The following CDH8 variants were observed in gnomAD, a reference collection of about 807,000 sequenced individuals.
CDH8 encodes cadherin-8.
In CDH8, 17 loss-of-function variants were observed where a neutral mutation model predicts 68.1. The observed-to-expected ratio is 0.25, with a 90% CI of 0.17 to 0.37. CDH8 has a LOEUF of 0.37. Ranked by LOEUF, CDH8 falls within the 10% of genes least tolerant of loss-of-function variation. CDH8 has a pLI of 1.00. For missense variants in CDH8, 763 were observed against 999.3 expected (o/e 0.76, Z 3.19); for synonymous variants, 372 against 365.1 (o/e 1.02, Z -0.21).
At chr16:61,810,919 G>A (rs572647961) in intron 7 of CDH8, among the ~76,000 whole-genome samples, 21 of 151,760 alleles carry the variant, frequency 1.4e-4, no homozygotes, top group Non-Finnish European at 2.8e-4. Context: ...AGCTACTCAG[G>A]AGGCTGAGGC....
intron 8 of CDH8, among the ~76,000 whole-genome samples, chr16:61,745,595 CTT>C (rs74264140): frequency 4.3e-5 from 6 of 140,048 alleles, no homozygotes; most frequent in South Asian, 4.6e-4. Flanking sequence ...TCTTTTCTTT[CTT>C]TTTTTTTTTT....
intron 8 of CDH8, among the ~76,000 whole-genome samples, chr16:61,751,138 T>C (rs1349581887): frequency 1.3e-5 from 2 of 151,946 alleles, no homozygotes; most frequent in Non-Finnish European, 2.9e-5. Flanking sequence ...AAACAGAAAC[T>C]ATCTCACTTC....
intron 2 of CDH8, among the ~76,000 whole-genome samples, chr16:61,969,400 A>C (rs1965303669): frequency 1.3e-5 from 2 of 152,184 alleles, no homozygotes; most frequent in South Asian, 2.1e-4. Context: ...GGTTTCTTGA[A>C]TAGTGCTTAC....
At chr16:61,732,724 T>C (rs1048679874) in intron 8 of CDH8, among the ~76,000 whole-genome samples, 1 of 151,868 alleles carries the variant, frequency 6.6e-6, no homozygotes, top group African/African-American at 2.4e-5. Flanking sequence ...TATGCCCTTA[T>C]AAAAGACTGT....
At chr16:61,974,202 TG>T (rs1965396989) in intron 2 of CDH8, among the ~76,000 whole-genome samples, 1 of 152,140 alleles carries the variant, frequency 6.6e-6, no homozygotes, top group Non-Finnish European at 1.5e-5. Context: ...TAGTGTTCTA[TG>T]GAAAAAAAAG....
intron 9 of CDH8, among the ~76,000 whole-genome samples, chr16:61,724,304 C>T (rs1337344873): frequency 2.7e-5 from 4 of 150,786 alleles, no homozygotes; most frequent in Non-Finnish European, 4.5e-5. Context: ...CAAGAGAAAG[C>T]GACCTCCCTC....
intron 10 of CDH8, chr16:61,692,862 CTTAG>C (rs923032961): frequency 6.6e-6 from 1 of 152,084 alleles, no homozygotes; most frequent in African/African-American, 2.4e-5. Context: ...CTATTAGCTT[CTTAG>C]TTAGTATAAT....
At chr16:61,782,009 T>C (rs1336034599) in intron 8 of CDH8, among the ~76,000 whole-genome samples, 1 of 152,206 alleles carries the variant, frequency 6.6e-6, no homozygotes, top group Non-Finnish European at 1.5e-5. Flanking sequence ...TTGGCAGTGT[T>C]GAAACTACAT....
Position 61,655,679 on chromosome 16 carries a change from C to G in CDH8, c.1697G>C (p.Arg566Pro). 6.2e-7 allele frequency: 1 copy of G among 1,613,796 alleles called. No individual in the cohort carries two copies. Among genetic ancestry groups the G allele is most frequent in the Non-Finnish European group, 8.5e-7 (1 of 1,179,786 alleles). ...SILAKHNGFNRQKQEVYLLPI... is the reference protein window; with the variant it reads ...SILAKHNGFNPQKQEVYLLPI... ...TAAAAGATAGACTTCTTGCTTCTGGCGGTTGAATCCATTATGCTTTGCCAA... is the reference window on the plus strand; with the variant it reads ...TAAAAGATAGACTTCTTGCTTCTGGGGGTTGAATCCATTATGCTTTGCCAA... Residue 566 changes from arginine (R) to proline (P), a missense_variant, in exon 11 of 12, where the codon CGC (arginine) becomes CCC (proline). Coordinates refer to ENST00000577390, the MANE Select transcript of CDH8 (RefSeq NM_001796.5).
At chr16:61,907,311 A>G (rs1309488275) in intron 2 of CDH8, among the ~76,000 whole-genome samples, 2 of 152,100 alleles carry the variant, frequency 1.3e-5, no homozygotes, top group African/African-American at 4.8e-5. Context: ...ACATTTGAAA[A>G]TCAGGTAGCT....
At chr16:61,874,902 C>T (rs1963433861) in intron 3 of CDH8, among the ~76,000 whole-genome samples, 1 of 152,098 alleles carries the variant, frequency 6.6e-6, no homozygotes, top group Non-Finnish European at 1.5e-5. Flanking sequence ...TTCCTAAGAC[C>T]CCATAGACTG....
chr16:61,708,320 T>C (rs1964569515), intron 10 of CDH8, among the ~76,000 whole-genome samples: 1 of 152,162 alleles, frequency 6.6e-6, no homozygotes, highest in Non-Finnish European at 1.5e-5. Flanking sequence ...TGTATCTGAA[T>C]TATATCCTAG....
Position 61,676,293 on chromosome 16 carries a change from T to G in CDH8, c.1655-20572A>C, listed in dbSNP as rs555807459. Reference sequence around the variant, plus strand: ...AAATGCTAGGGTGGTTATACTAATATCATAAGGAAGCTGAAGTGGCTATAT... The same window carrying G: ...AAATGCTAGGGTGGTTATACTAATAGCATAAGGAAGCTGAAGTGGCTATAT... On this transcript the variant is annotated intron_variant, in intron 10 of 11. Transcript: ENST00000577390. Among the ~76,000 whole-genome samples the G allele has an allele frequency of 1.2e-4, 14 of 118,816 alleles. No homozygotes were observed. In the South Asian group the frequency reaches 3.4e-3, roughly 29 times the overall value. The allele number at this position is 118,816 out of a possible 152,430, so 77.9% of individuals were successfully genotyped here. A position where few individuals can be genotyped will look rare whatever the true frequency, so the allele number is the denominator to read the frequency against.
chr16:61,897,213 G>A (rs965418684), intron 3 of CDH8, among the ~76,000 whole-genome samples: 8 of 151,796 alleles, frequency 5.3e-5, no homozygotes, highest in Non-Finnish European at 1.0e-4. Flanking sequence ...ACATGTGTAT[G>A]TATGTATTTA....
intron 2 of CDH8, among the ~76,000 whole-genome samples, chr16:61,933,723 T>C (rs1005427196): frequency 6.6e-6 from 1 of 152,080 alleles, no homozygotes. Flanking sequence ...GTGATTTTTT[T>C]TGTTTGTTTT....
chr16:61,931,401 C>G (rs1421289838), intron 2 of CDH8, among the ~76,000 whole-genome samples: 1 of 152,136 alleles, frequency 6.6e-6, no homozygotes, highest in Non-Finnish European at 1.5e-5. Context: ...GTCTCAAACT[C>G]CTGGCTTCAA....
chr16:61,962,766 C>T (rs1039739171), intron 2 of CDH8, among the ~76,000 whole-genome samples: 1 of 152,166 alleles, frequency 6.6e-6, no homozygotes, highest in African/African-American at 2.4e-5. Flanking sequence ...AACCTCCCAA[C>T]TCTGCCTGAA....
Position 61,653,684 on chromosome 16 carries a change from T to G in CDH8, c.2324A>C (p.Tyr775Ser). The G allele has an allele frequency of 6.2e-7, 1 of 1,614,142 alleles. No individual in the cohort carries two copies. The highest frequency in any genetic ancestry group is 8.5e-7 in the Non-Finnish European group (1 of 1,180,022). Residue 775 changes from tyrosine (Y) to serine (S), a missense_variant, in exon 12 of 12, where the codon TAC becomes TCC. Tyr to Ser is a moderately radical substitution (Grantham distance 144, BLOSUM62 -2). Coordinates refer to ENST00000577390, the MANE Select transcript of CDH8 (RefSeq NM_001796.5). ...AAAGCGGGGACCCCAGTCACTGAGG[T>G]AGTCAAAATTCTGGTCTGAGTCTGA... ...TTSDSDQNFD[Y>S]LSDWGPRFKR... is the part of the protein sequence containing the mutation.
chr16:62,013,307 T>G (rs1260256348), intron 2 of CDH8, among the ~76,000 whole-genome samples: 1 of 138,460 alleles, frequency 7.2e-6, no homozygotes, highest in Non-Finnish European at 1.6e-5. Flanking sequence ...ACTACTTAAA[T>G]CAAGAGCATT....
Sources: gnomAD v4.1 joint callset for allele counts (sites outside exome capture counted in the v4.1 genomes callset) on GRCh38, gnomAD v4.1.1 for gene constraint, MANE v1.5 for transcripts, NCBI Gene and HGNC (gene_info 2026-07-23, HGNC 2026-07-21) for gene names.